The following TNN variants were observed in gnomAD, a reference collection of about 807,000 sequenced individuals.
The protein encoded by TNN is tenascin N, also known as tenascin-N.
A neutral mutation model predicts 134.4 loss-of-function variants in TNN; 122 were observed. That is an observed-to-expected ratio of 0.91 (90% CI 0.78 to 1.06). TNN has a LOEUF of 1.06. Among genes scored for constraint, TNN ranks in the 50% least tolerant of loss-of-function variants. TNN has a pLI of 0.00. For missense variants in TNN, 1,739 were observed against 1,699.4 expected (o/e 1.02, Z -0.41); for synonymous variants, 710 against 670.3 (o/e 1.06, Z -0.91).
At chr1:175,092,113 T>C (rs1334109929) in intron 6 of TNN, among the ~76,000 whole-genome samples, 1 of 152,250 alleles carries the variant, frequency 6.6e-6, no homozygotes, top group Non-Finnish European at 1.5e-5. Flanking sequence ...CGCTTCTTCC[T>C]GCCTCCTTAG....
Position 175,129,609 on chromosome 1 carries a change from C to T in TNN, c.3330+863C>T, listed in dbSNP as rs78106949. Among the ~76,000 whole-genome samples, 657 of 151,916 alleles carry T rather than the reference C, an allele frequency of 4.3e-3. 5 individuals carry two copies. Among genetic ancestry groups the T allele is most frequent in the African/African-American group, 0.015 (623 of 41,380 alleles). On this transcript the variant is annotated intron_variant, in intron 15 of 18. Transcript: ENST00000239462. ...AGCACTTCTGTACACATGACCCTCA[C>T]ACAACAGCTTTAGAGTAAGTGAGAG...
At chr1:175,113,525 T>G (rs1675091243) in intron 9 of TNN, among the ~76,000 whole-genome samples, 1 of 152,220 alleles carries the variant, frequency 6.6e-6, no homozygotes, top group Admixed American at 6.5e-5. Flanking sequence ...TTGACTATAA[T>G]ATACTTCAGG....
At chr1:175,073,804 T>A (rs1673973656) in intron 1 of TNN, among the ~76,000 whole-genome samples, 1 of 152,166 alleles carries the variant, frequency 6.6e-6, no homozygotes, top group South Asian at 2.1e-4. Context: ...GGGCCACCCC[T>A]CCTTTGTGGG....
intron 6 of TNN, among the ~76,000 whole-genome samples, chr1:175,087,501 G>A (rs961648110): frequency 2.0e-5 from 3 of 152,184 alleles, no homozygotes; most frequent in African/African-American, 7.2e-5. Context: ...GTGAATTGGG[G>A]TCCCGAGTTT....
chr1:175,093,902 A>G, intron 6 of TNN, 88 bp from the exon 7 acceptor site: 1 of 1,413,540 alleles, frequency 7.1e-7, no homozygotes, highest in South Asian at 1.4e-5. Flanking sequence ...GAACTAGGTC[A>G]CCCAGGTGAA....
At chr1:175,098,701 G>T in intron 9 of TNN, 106 bp downstream of exon 9, 2 of 1,511,430 alleles carry the variant, frequency 1.3e-6, no homozygotes, top group Non-Finnish European at 1.8e-6. Context: ...GGAAGAGCAG[G>T]TTGGTATCCT....
intron 1 of TNN, among the ~76,000 whole-genome samples, chr1:175,071,664 C>T (rs138290559): frequency 5.8e-4 from 89 of 152,194 alleles, no homozygotes; most frequent in African/African-American, 1.9e-3. Flanking sequence ...AGAACACAGA[C>T]GCAGGCAGTG....
At position 175,097,421 on chromosome 1, in the gene TNN, T is replaced by G. The variant is rs191624655; in HGVS notation, c.1593T>G (p.Ile531Met). The part of the protein sequence containing the change: ...KKADTNALTE[I>M]DSPANLVTDR... ...TCTTTCATCTCTCTCTTAAAGAAAT[T>G]GACAGCCCAGCAAACCTGGTGACTG... Residue 531 changes from isoleucine (I) to methionine (M), a missense_variant, in exon 8 of 19, where the codon ATT becomes ATG. Physicochemically the swap from Ile to Met is conservative, Grantham distance 10 (BLOSUM62 1). Transcript: ENST00000239462. The G allele has an allele frequency of 1.2e-6, 2 of 1,614,184 alleles. No individual in the cohort carries two copies. The highest frequency in any genetic ancestry group is 2.2e-5 in the East Asian group (1 of 44,888).
intron 15 of TNN, among the ~76,000 whole-genome samples, chr1:175,134,590 A>G (rs1675752509): frequency 6.6e-6 from 1 of 152,196 alleles, no homozygotes; most frequent in Admixed American, 6.5e-5. Flanking sequence ...ATAAATAACA[A>G]TAAACTACCA....
intron 1 of TNN, among the ~76,000 whole-genome samples, chr1:175,074,484 GAAAAAAAAAAA>G (rs55952749): frequency 1.5e-3 from 181 of 119,024 alleles, no homozygotes; most frequent in Middle Eastern, 4.7e-3. Flanking sequence ...GATCCTGTCT[GAAAAAAAAAAA>G]AAAAAAAAAA....
chr1:175,079,202 A>G, intron 2 of TNN, 131 bp from the exon 3 acceptor site: 1 of 1,162,104 alleles, frequency 8.6e-7, no homozygotes, highest in Non-Finnish European at 1.2e-6. Context: ...TAGCCGTGCA[A>G]GACCCAGAAA....
chr1:175,082,483 A>G (rs576088456), intron 4 of TNN, among the ~76,000 whole-genome samples: 3 of 152,212 alleles, frequency 2.0e-5, no homozygotes, highest in Admixed American at 2.0e-4. Flanking sequence ...TATAAGCCTC[A>G]AGTCACATTT....
chr1:175,109,722 A>G (rs79038066), intron 9 of TNN, among the ~76,000 whole-genome samples: 4,016 of 148,394 alleles, frequency 0.027, 175 homozygotes, highest in African/African-American at 0.093. Context: ...ACACACATAC[A>G]TATATATATA....
intron 11 of TNN, among the ~76,000 whole-genome samples, chr1:175,121,097 T>C (rs1202585958): frequency 6.6e-6 from 1 of 152,228 alleles, no homozygotes; most frequent in Non-Finnish European, 1.5e-5. Context: ...TTTTAATTAA[T>C]TAAAAATAAA....
intron 4 of TNN, among the ~76,000 whole-genome samples, chr1:175,082,721 G>A (rs1674225145): frequency 2.0e-5 from 3 of 152,154 alleles, no homozygotes; most frequent in Non-Finnish European, 2.9e-5. Context: ...TTCATCATCC[G>A]TCAGTGGTCA....
In TNN at chr1:175,079,650, T is replaced by C. The variant is rs757152502; in HGVS notation, c.727T>C (p.Cys243Arg). 1 of 1,609,230 alleles carries C rather than the reference T, an allele frequency of 6.2e-7. No homozygotes were observed. The highest frequency in any genetic ancestry group is 8.5e-7 in the Non-Finnish European group (1 of 1,178,800). ...CGGCGACTGCAGCGGCCACGGCTTC[T>C]GTGACACGGGCGAGTGCTACTGCGA... ...CPGDCSGHGFCDTGECYCEEG... is the reference protein window; with the variant it reads ...CPGDCSGHGFRDTGECYCEEG... The change falls in exon 3 of 19, where the codon TGT (cysteine) becomes CGT (arginine). Residue 243 changes from cysteine (C) to arginine (R), a missense_variant. Cys to Arg is a radical substitution (Grantham distance 180). Coordinates refer to ENST00000239462, the MANE Select transcript of TNN (RefSeq NM_022093.2).
chr1:175,102,584 G>A lies in TNN; in HGVS notation c.2119+3989G>A, dbSNP rs949510520. Among the ~76,000 whole-genome samples, 10 of 145,940 alleles carry A rather than the reference G, an allele frequency of 6.9e-5. 1 individual carries two copies. Among genetic ancestry groups the A allele is most frequent in the African/African-American group, 2.2e-4 (9 of 40,590 alleles). On this transcript the variant is annotated intron_variant, in intron 9 of 18. Transcript: ENST00000239462. Reference sequence around the variant, plus strand: ...CTGCCCGGGGCCAGCAGGGCTGGCCGGCTGCTCTGAGTGCGGGGCCCTCCA... The same window carrying A: ...CTGCCCGGGGCCAGCAGGGCTGGCCAGCTGCTCTGAGTGCGGGGCCCTCCA...
intron 6 of TNN, among the ~76,000 whole-genome samples, chr1:175,093,415 T>G (rs1402393668): frequency 2.0e-5 from 3 of 152,236 alleles, no homozygotes; most frequent in Non-Finnish European, 4.4e-5. Context: ...ACTGTTTTGC[T>G]CATTGATAAC....
At chr1:175,092,178 T>C (rs1046269227) in intron 6 of TNN, among the ~76,000 whole-genome samples, 1 of 152,234 alleles carries the variant, frequency 6.6e-6, no homozygotes, top group Non-Finnish European at 1.5e-5. Flanking sequence ...TGGTTTTGGA[T>C]GGCTCTTGTC....
Sources: gnomAD v4.1 joint callset for allele counts (sites outside exome capture counted in the v4.1 genomes callset) on GRCh38, gnomAD v4.1.1 for gene constraint, MANE v1.5 for transcripts, NCBI Gene and HGNC (gene_info 2026-07-23, HGNC 2026-07-21) for gene names.